Variants in SMARCA2 observed in about 807,000 individuals in gnomAD.
The protein encoded by SMARCA2 is SWI/SNF related BAF chromatin remodeling complex subunit ATPase 2.
In SMARCA2, 61 loss-of-function variants were observed where a neutral mutation model predicts 199.8. The observed-to-expected ratio is 0.31, with a 90% CI of 0.25 to 0.38. The LOEUF (loss-of-function observed/expected upper bound fraction) is 0.38. Among genes scored for constraint, SMARCA2 ranks in the 10% least tolerant of loss-of-function variants. The probability of loss-of-function intolerance (pLI) is 1.00; values close to 1 mark genes in which losing one functional copy is unlikely to be tolerated. For synonymous variants in SMARCA2, 935 were observed against 732.0 expected (o/e 1.28, Z -4.48); for missense variants, 1,344 against 2,012.2 (o/e 0.67, Z 6.35).
chr9:2,022,851 T>G (rs1055403239), intron 1 of SMARCA2, among the ~76,000 whole-genome samples: 3 of 152,196 alleles, frequency 2.0e-5, no homozygotes, highest in Admixed American at 6.5e-5. Context: ...AACTTTTTTT[T>G]GTTCAGTTTG....
At chr9:2,153,088 A>G (rs1057099625) in intron 27 of SMARCA2, among the ~76,000 whole-genome samples, 3 of 152,188 alleles carry the variant, frequency 2.0e-5, no homozygotes, top group African/African-American at 7.2e-5. Flanking sequence ...AGTCACAGTA[A>G]AGGAACTCAG....
intron 17 of SMARCA2, among the ~76,000 whole-genome samples, chr9:2,084,604 C>T (rs1821719287): frequency 6.6e-6 from 1 of 152,070 alleles, no homozygotes; most frequent in African/African-American, 2.4e-5. Context: ...TCTTCTTGTG[C>T]CTTTGTTTCT....
At chr9:2,153,146 C>A (rs532332315) in intron 27 of SMARCA2, among the ~76,000 whole-genome samples, 67 of 152,130 alleles carry the variant, frequency 4.4e-4, no homozygotes, top group Non-Finnish European at 9.0e-4. Context: ...TGGAAGCCAA[C>A]CCAAATTTAG....
At position 2,161,886 on chromosome 9, in the gene SMARCA2, G is replaced by A; in HGVS notation, c.4182G>A (p.Val1394=). ...AGATGAACGCTATCATCGATACTGT[G>A]ATAAACTACAAAGATAGGTGAGTGT... ...TKQMNAIIDT[V]INYKDRCNVE... The change falls in exon 28 of 34, where the codon GTG becomes GTA. Residue 1394 remains valine, a synonymous_variant. Transcript: ENST00000349721. This position sits in a 1 kb window ranked among gnomAD's most constrained non-coding sequence, Gnocchi z 4.7. 2 of 1,613,844 alleles carry A rather than the reference G, an allele frequency of 1.2e-6. No individual in the cohort carries two copies.
In SMARCA2 at chr9:2,113,865, C is replaced by A. The variant is rs544169314; in HGVS notation, c.3457-1957C>A. ...GCAATCTACTACTCGCGGGCTCGGT[C>A]TGACCTGCCCCTTGTTTTTGCACCC... On this transcript the variant is annotated intron_variant, in intron 24 of 33. Coordinates refer to ENST00000349721, the MANE Select transcript of SMARCA2 (RefSeq NM_003070.5). 9.2e-5 allele frequency among the ~76,000 whole-genome samples: 14 copies of A among 152,328 alleles called. No individual in the cohort carries two copies. The South Asian group carries it at 2.9e-3, about 32-fold the overall frequency.
intron 23 of SMARCA2, among the ~76,000 whole-genome samples, chr9:2,109,632 TG>T (rs35865205): frequency 0.35 from 53,472 of 151,422 alleles, 13,326 homozygotes; most frequent in African/African-American, 0.71. Context: ...AGATTTCTTG[TG>T]GGGGGGGTGG....
chr9:2,105,461 C>T lies in SMARCA2; in HGVS notation c.3292+1292C>T, dbSNP rs1363402467. Among the ~76,000 whole-genome samples, 3 of 152,008 alleles carry T rather than the reference C, an allele frequency of 2.0e-5. No individual in the cohort carries two copies. In the East Asian group the frequency reaches 5.8e-4, roughly 29 times the overall value. On this transcript the variant is annotated intron_variant, in intron 23 of 33. Coordinates refer to ENST00000349721, the MANE Select transcript of SMARCA2 (RefSeq NM_003070.5). ...TAAAGATGGGGTTTCACCATGTTGC[C>T]CAGGCTGGTCTTGAACTCCTGACCT...
chr9:2,040,454 T>C (rs1819556580), intron 4 of SMARCA2: 1 of 155,444 alleles, frequency 6.4e-6, no homozygotes, highest in African/African-American at 2.4e-5. Context: ...CTGCAAAAGT[T>C]CTCATAGTTG....
chr9:2,076,665 T>A (rs1821337641), intron 13 of SMARCA2, among the ~76,000 whole-genome samples: 1 of 152,020 alleles, frequency 6.6e-6, no homozygotes, highest in Non-Finnish European at 1.5e-5. Flanking sequence ...CTAATGAAAC[T>A]TATCTCCCTA....
intron 13 of SMARCA2, 36 bp from the exon 14 acceptor site, chr9:2,077,593 T>C (rs775873320): frequency 1.3e-6 from 2 of 1,597,008 alleles, no homozygotes; most frequent in South Asian, 1.1e-5. Flanking sequence ...TGCACGCACA[T>C]GTCTGTGTGT....
chr9:2,092,549 A>G (rs188094524), intron 19 of SMARCA2, among the ~76,000 whole-genome samples: 11 of 152,364 alleles, frequency 7.2e-5, no homozygotes, highest in Admixed American at 7.2e-4. Flanking sequence ...AAGGGGAATT[A>G]TAAATGAAGA....
chr9:2,154,327 A>T (rs1386573518), intron 27 of SMARCA2, among the ~76,000 whole-genome samples: 4 of 152,334 alleles, frequency 2.6e-5, no homozygotes, highest in African/African-American at 9.6e-5. Flanking sequence ...AGTATTAATG[A>T]TGCTGTGTAT....
chr9:2,175,922 C>T (rs1379968562), intron 29 of SMARCA2, among the ~76,000 whole-genome samples: 1 of 151,944 alleles, frequency 6.6e-6, no homozygotes, highest in Non-Finnish European at 1.5e-5. Context: ...TCTTGTTGCC[C>T]AAGCTGGAGT....
At chr9:2,164,638 A>G (rs943379311) in intron 28 of SMARCA2, among the ~76,000 whole-genome samples, 14 of 152,164 alleles carry the variant, frequency 9.2e-5, no homozygotes, top group African/African-American at 3.4e-4. Context: ...GCTGATGCTG[A>G]TTTCCATGGT....
chr9:2,084,271 A>T, intron 17 of SMARCA2, 75 bp downstream of exon 17: 2 of 738,726 alleles, frequency 2.7e-6, no homozygotes, highest in Non-Finnish European at 2.3e-6. Flanking sequence ...CCAAGTCAGT[A>T]GTGTAATTGG....
intron 27 of SMARCA2, among the ~76,000 whole-genome samples, chr9:2,148,533 C>T (rs2130710907): frequency 6.6e-6 from 1 of 151,340 alleles, no homozygotes; most frequent in South Asian, 2.1e-4. Flanking sequence ...GGTACATGTG[C>T]ACAATGTGCA....
intron 29 of SMARCA2, among the ~76,000 whole-genome samples, chr9:2,180,398 A>T (rs111549101): frequency 6.6e-6 from 1 of 152,262 alleles, no homozygotes; most frequent in Non-Finnish European, 1.5e-5. Context: ...CTTTTTTATG[A>T]TAACTGTCAT....
At chr9:2,033,172 G>C (rs1819151659) in intron 3 of SMARCA2, 91 bp downstream of exon 3, 1 of 1,461,064 alleles carries the variant, frequency 6.8e-7, no homozygotes, top group Admixed American at 1.9e-5. Context: ...TCCAAAGAAT[G>C]TGTCTAAGGA....
rs755395260 is a variant in SMARCA2 at position 2,192,786 on chromosome 9, T to C, written c.*47T>C. On this transcript the variant is annotated 3_prime_UTR_variant, in exon 34 of 34. Coordinates refer to ENST00000349721, the MANE Select transcript of SMARCA2 (RefSeq NM_003070.5). ...GGTAGAACTGAATTCCTTCCTCCCC[T>C]GTCTCATTTCTACCCAGTGAGTTCA... The C allele has an allele frequency of 7.2e-5, 102 of 1,412,702 alleles. No homozygotes were observed. The highest frequency in any genetic ancestry group is 1.0e-4 in the Non-Finnish European group (101 of 997,320). The allele number at this position is 1,412,702 out of a possible 1,614,324, so 87.5% of individuals were successfully genotyped here. A position where few individuals can be genotyped will look rare whatever the true frequency, so the allele number is the denominator to read the frequency against.
Sources: gnomAD v4.1 joint callset for allele counts (sites outside exome capture counted in the v4.1 genomes callset) on GRCh38, gnomAD v4.1.1 for gene constraint, Gnocchi (gnomAD v3.1) non-coding constraint, MANE v1.5 for transcripts, NCBI Gene and HGNC (gene_info 2026-07-23, HGNC 2026-07-21) for gene names.